CADM2: variants seen among roughly 807,000 people sequenced by gnomAD.
CADM2 encodes immunoglobulin superfamily member 4D.
CADM2 carries 12 observed loss-of-function variants against 49.8 expected under a neutral mutation model. That is an observed-to-expected ratio of 0.24 (90% confidence interval 0.15 to 0.39). The LOEUF is 0.39. Ranked by LOEUF, CADM2 falls within the 10% of genes least tolerant of loss-of-function variation. CADM2 has a pLI of 1.00. For missense variants in CADM2, 378 were observed against 492.3 expected, an observed-to-expected ratio of 0.77 and a Z score of 2.20; for synonymous variants, 214 against 175.4, an observed-to-expected ratio of 1.22 and a Z score of -1.74.
intron 1 of CADM2, among the ~76,000 whole-genome samples, chr3:85,336,951 AT>A (rs1314050211): frequency 4.5e-5 from 2 of 44,518 alleles, no homozygotes; most frequent in Non-Finnish European, 7.9e-5. Flanking sequence ...ATATATATAT[AT>A]TTAATATATA....
At chr3:85,739,976 C>G (rs1183097232) in intron 2 of CADM2, among the ~76,000 whole-genome samples, 1 of 152,098 alleles carries the variant, frequency 6.6e-6, no homozygotes, top group African/African-American at 2.4e-5. Context: ...AATTCTTATT[C>G]TCGCAACTGG....
chr3:85,991,759 C>T (rs1221064881), intron 8 of CADM2, among the ~76,000 whole-genome samples: 2 of 151,932 alleles, frequency 1.3e-5, no homozygotes, highest in Admixed American at 6.6e-5. Flanking sequence ...TTAAGGATAT[C>T]GATTTAGCTT....
rs80254929 is a variant in CADM2, at chr3:85,302,570, G to A, written c.61+342902G>A. Among the ~76,000 whole-genome samples, 305 of 152,002 alleles carry A rather than the reference G, an allele frequency of 2.0e-3. 2 individuals carry two copies. Among genetic ancestry groups the A allele is most frequent in the Non-Finnish European group, 2.6e-3 (179 of 67,950 alleles). On this transcript the variant is annotated intron_variant, in intron 1 of 9. Coordinates refer to ENST00000383699, the MANE Select transcript of CADM2 (RefSeq NM_001167675.2). ...TTTAATTTGTACACTTTCTCATTAC[G>A]ATCATGTATTTATATGTGTAAATCA...
At chr3:85,538,669 A>C (rs1228727201) in intron 1 of CADM2, among the ~76,000 whole-genome samples, 1 of 152,148 alleles carries the variant, frequency 6.6e-6, no homozygotes, top group African/African-American at 2.4e-5. Flanking sequence ...CTATTGTCAG[A>C]AAATTGTTGA....
At chr3:85,744,921 A>G (rs973740205) in intron 2 of CADM2, among the ~76,000 whole-genome samples, 3 of 152,174 alleles carry the variant, frequency 2.0e-5, no homozygotes, top group African/African-American at 4.8e-5. Flanking sequence ...TGCCTTATGA[A>G]TTTAAATGGA....
At chr3:85,079,767 A>C (rs979521691) in intron 1 of CADM2, among the ~76,000 whole-genome samples, 7 of 151,934 alleles carry the variant, frequency 4.6e-5, no homozygotes, top group African/African-American at 1.7e-4. Flanking sequence ...ACAACCTGTA[A>C]TTAAAATACC....
At chr3:85,214,557 G>A (rs1009781748) in intron 1 of CADM2, among the ~76,000 whole-genome samples, 12 of 151,908 alleles carry the variant, frequency 7.9e-5, no homozygotes, top group Admixed American at 7.2e-4. Flanking sequence ...CCTGGTCCTG[G>A]CCAGGTTCAG....
intron 3 of CADM2, among the ~76,000 whole-genome samples, chr3:85,810,287 G>A: frequency 6.6e-6 from 1 of 152,080 alleles, no homozygotes; most frequent in Non-Finnish European, 1.5e-5. Context: ...AAAACCATAG[G>A]TCAAGGGATC....
chr3:85,892,400 C>A (rs1362369018), intron 5 of CADM2, among the ~76,000 whole-genome samples: 1 of 152,120 alleles, frequency 6.6e-6, no homozygotes, highest in Non-Finnish European at 1.5e-5. Context: ...GGCTATGTCC[C>A]CACCCAAATC....
chr3:85,604,809 T>G (rs1039253679), intron 1 of CADM2, among the ~76,000 whole-genome samples: 4 of 152,016 alleles, frequency 2.6e-5, no homozygotes, highest in African/African-American at 9.7e-5. Flanking sequence ...GATAGAGGGC[T>G]TAGGGGGAAT....
intron 1 of CADM2, among the ~76,000 whole-genome samples, chr3:85,224,634 T>C (rs2042114223): frequency 6.6e-6 from 1 of 152,194 alleles, no homozygotes. Flanking sequence ...TTTTGGCTTT[T>C]GTTGCCATTG....
chr3:85,117,243 A>C (rs2038671408), intron 1 of CADM2, among the ~76,000 whole-genome samples: 1 of 96,252 alleles, frequency 1.0e-5, no homozygotes, highest in African/African-American at 4.4e-5. Context: ...AAAAGAGAAA[A>C]TTTTATGATT....
chr3:85,069,570 A>T (rs192256657), intron 1 of CADM2, among the ~76,000 whole-genome samples: 14 of 152,274 alleles, frequency 9.2e-5, no homozygotes, highest in Non-Finnish European at 2.9e-5. Flanking sequence ...TTTCCCTTTT[A>T]TAATAATTTT....
At chr3:85,439,524 T>G (rs1476958043) in intron 1 of CADM2, among the ~76,000 whole-genome samples, 1 of 152,162 alleles carries the variant, frequency 6.6e-6, no homozygotes, top group Non-Finnish European at 1.5e-5. Flanking sequence ...TGCAAACAAA[T>G]TCTTCTATTT....
chr3:85,325,971 G>C (rs905022645), intron 1 of CADM2, among the ~76,000 whole-genome samples: 1 of 151,980 alleles, frequency 6.6e-6, no homozygotes, highest in Non-Finnish European at 1.5e-5. Context: ...TAAACATGTT[G>C]GAAAATGATT....
intron 1 of CADM2, among the ~76,000 whole-genome samples, chr3:85,542,587 A>G (rs1048672297): frequency 6.6e-6 from 1 of 152,186 alleles, no homozygotes; most frequent in Non-Finnish European, 1.5e-5. Flanking sequence ...ATCTTTATAA[A>G]CAGTATTTTG....
At chr3:85,663,674 C>T (rs1412399405) in intron 1 of CADM2, among the ~76,000 whole-genome samples, 1 of 151,974 alleles carries the variant, frequency 6.6e-6, no homozygotes, top group Non-Finnish European at 1.5e-5. Flanking sequence ...CCTTCTTTTT[C>T]CTCCATCAGA....
At chr3:85,431,488 A>C (rs1240415575) in intron 1 of CADM2, among the ~76,000 whole-genome samples, 5 of 152,206 alleles carry the variant, frequency 3.3e-5, no homozygotes, top group African/African-American at 4.8e-5. Flanking sequence ...CAAGGAACAT[A>C]TATCACAAGA....
At chr3:85,904,943 C>A (rs938734532) in intron 5 of CADM2, among the ~76,000 whole-genome samples, 11 of 151,948 alleles carry the variant, frequency 7.2e-5, no homozygotes, top group African/African-American at 2.4e-4. Context: ...TTATAATTTT[C>A]TTTTTCCTTG....
Sources: gnomAD v4.1 joint callset for allele counts (sites outside exome capture counted in the v4.1 genomes callset) on GRCh38, gnomAD v4.1.1 for gene constraint, MANE v1.5 for transcripts, NCBI Gene and HGNC (gene_info 2026-07-23, HGNC 2026-07-21) for gene names.